EAPP: variants seen among roughly 807,000 people sequenced by gnomAD.
EAPP encodes the protein E2F associated phosphoprotein, also known as E2F-associated phosphoprotein.
Under a neutral mutation model 34.3 loss-of-function variants are expected in EAPP, and 38 were observed. The observed-to-expected ratio is 1.11, with a 90% CI of 0.85 to 1.45. The LOEUF (loss-of-function observed/expected upper bound fraction) is 1.45. Ranked by LOEUF, EAPP falls within the 40% of genes most tolerant of loss-of-function variation. The probability of loss-of-function intolerance (pLI) is 0.00; values close to 1 mark genes in which losing one functional copy is unlikely to be tolerated. For synonymous variants in EAPP, 113 were observed against 117.6 expected, an observed-to-expected ratio of 0.96 and a Z score of 0.25; for missense variants, 338 against 343.7, an observed-to-expected ratio of 0.98 and a Z score of 0.13.
At chr14:34,534,086 T>G (rs1438531177) in intron 2 of EAPP, among the ~76,000 whole-genome samples, 1 of 152,078 alleles carries the variant, frequency 6.6e-6, no homozygotes, top group East Asian at 1.9e-4. Flanking sequence ...TTTTTCCAGC[T>G]AATACATAGC....
At chr14:34,520,249 A>T (rs1423833493) in intron 5 of EAPP, among the ~76,000 whole-genome samples, 2 of 145,276 alleles carry the variant, frequency 1.4e-5, no homozygotes, top group Admixed American at 1.4e-4. Flanking sequence ...TCACTCTGTC[A>T]CTCAGGCTGG....
rs759579369 is a variant in EAPP at position 34,533,449 on chromosome 14, C to T, written c.347G>A (p.Arg116Lys). The T allele has an allele frequency of 1.5e-5, 24 of 1,611,244 alleles. No individual in the cohort carries two copies. The highest frequency in any genetic ancestry group is 2.0e-5 in the Non-Finnish European group (23 of 1,178,188). ...CTGGTAAATAGGTTACTTACCTGCT[C>T]TGTCTTCATCCTCGGAATCAGAATC... ...YFDSDSEDED[R>K]AVQVTKKKKK... Residue 116 changes from arginine to lysine, a missense_variant, in exon 3 of 6, where the codon AGA becomes AAA. Physicochemically the swap from Arg to Lys is conservative, Grantham distance 26 (BLOSUM62 2). Transcript: ENST00000250454.
Position 34,536,147 on chromosome 14 carries a change from T to C in EAPP, c.203A>G (p.Glu68Gly). Reference protein sequence around the residue: ...EDEFEKEMEAELNSTMKTMED... With the variant: ...EDEFEKEMEAGLNSTMKTMED... ...CATTGTTTTCATGGTAGAATTTAATTCAGCTTCCATCTCCTTTTCAAATTC... is the reference window on the plus strand; with the variant it reads ...CATTGTTTTCATGGTAGAATTTAATCCAGCTTCCATCTCCTTTTCAAATTC... The change falls in exon 2 of 6, where the codon GAA becomes GGA. Residue 68 changes from glutamate (E) to glycine (G), a missense_variant. Physicochemically the swap from Glu to Gly is moderately conservative, Grantham distance 98 (BLOSUM62 -2). Coordinates refer to ENST00000250454, the MANE Select transcript of EAPP (RefSeq NM_018453.4). The C allele has an allele frequency of 6.2e-7, 1 of 1,612,952 alleles. No homozygotes were observed. Among genetic ancestry groups the C allele is most frequent in the Non-Finnish European group, 8.5e-7 (1 of 1,179,674 alleles).
intron 5 of EAPP, among the ~76,000 whole-genome samples, chr14:34,516,857 C>T (rs1198521570): frequency 6.6e-6 from 1 of 152,132 alleles, no homozygotes; most frequent in Admixed American, 6.6e-5. Flanking sequence ...GCACAAGCCA[C>T]TGCACCAGGC....
chr14:34,529,604 G>C (rs1299832225), intron 3 of EAPP, 129 bp from the exon 4 acceptor site: 4 of 709,456 alleles, frequency 5.6e-6, no homozygotes, highest in Non-Finnish European at 6.8e-6. Context: ...AAAGGGACGG[G>C]CGCAGTGGCT....
intron 5 of EAPP, among the ~76,000 whole-genome samples, chr14:34,522,563 GAT>G (rs1170918345): frequency 3.3e-5 from 5 of 152,070 alleles, no homozygotes; most frequent in African/African-American, 9.7e-5. Context: ...TTGGTTATTA[GAT>G]ATGTTTGCCT....
rs1566448639 is a variant in EAPP at position 34,529,447 on chromosome 14, TTTC to T, written c.378_380del (p.Lys127del). 10 of 1,612,514 alleles carry T rather than the reference TTTC, an allele frequency of 6.2e-6. No homozygotes were observed. Among genetic ancestry groups the T allele is most frequent in the East Asian group, 2.2e-5 (1 of 44,856 alleles). On this transcript the variant is annotated inframe_deletion, in exon 4 of 6. Transcript: ENST00000250454. ...CGTCATTTGTTGGAATCTTGTGTTG[TTTC>T]TTCTTTTTTTTCTTGGTCACCTGTA...
chr14:34,524,587 G>C, intron 5 of EAPP, 110 bp downstream of exon 5: 1 of 813,694 alleles, frequency 1.2e-6, no homozygotes, highest in Non-Finnish European at 2.0e-6. Context: ...CTGCACTCCA[G>C]CCTGGGCAAC....
In EAPP at chr14:34,524,827, T is replaced by C. The variant is rs527718120; in HGVS notation, c.471-20A>G. 1.3e-6 allele frequency: 2 copies of C among 1,588,004 alleles called. No individual in the cohort carries two copies. The highest frequency in any genetic ancestry group is 1.7e-6 in the Non-Finnish European group (2 of 1,157,282). On this transcript the variant is annotated intron_variant, in intron 4 of 5. Coordinates refer to ENST00000250454, the MANE Select transcript of EAPP (RefSeq NM_018453.4). ...TGGTAACTAGAACAGAAGAAGAAAG[T>C]GGGGAGAAAAACATATTAAAACCAG...
At position 34,516,464 on chromosome 14, in the gene EAPP, AT is replaced by A; in HGVS notation, c.703del (p.Met235Ter). ...NRKKRRVHKKMRSNREDAAEK... is the reference protein window; with the variant it reads ...NRKKRRVHKKXRSNREDAAEK... Reference sequence around the variant, plus strand: ...GGCAGCATCTTCCCGGTTAGACCTCATCTTCTTATGGACCCGCCTTTTCTTC... The same window carrying A: ...GGCAGCATCTTCCCGGTTAGACCTCACTTCTTATGGACCCGCCTTTTCTTC... On this transcript the variant is annotated frameshift_variant, in exon 6 of 6. Coordinates refer to ENST00000250454, the MANE Select transcript of EAPP (RefSeq NM_018453.4). LOFTEE classifies it high-confidence loss of function. 6.2e-7 allele frequency: 1 copy of A among 1,614,150 alleles called. No homozygotes were observed. The highest frequency in any genetic ancestry group is 1.1e-5 in the South Asian group (1 of 91,084).
At chr14:34,531,125 C>T (rs573057566) in intron 3 of EAPP, among the ~76,000 whole-genome samples, 6 of 151,300 alleles carry the variant, frequency 4.0e-5, no homozygotes, top group South Asian at 2.1e-4. Flanking sequence ...ACCAACATGG[C>T]GAAATCCTGT....
rs1013870649 is a variant in EAPP, at chr14:34,529,461, T to C, written c.367A>G (p.Lys123Glu). 1.2e-6 allele frequency: 2 copies of C among 1,610,854 alleles called. No homozygotes were observed. Among genetic ancestry groups the C allele is most frequent in the Non-Finnish European group, 1.7e-6 (2 of 1,178,818 alleles). The change falls in exon 4 of 6, where the codon AAA (lysine) becomes GAA (glutamate). Residue 123 changes from lysine (K) to glutamate (E), a missense_variant. Coordinates refer to ENST00000250454, the MANE Select transcript of EAPP (RefSeq NM_018453.4). ...DEDRAVQVTK[K>E]KKKKQHKIPT... ...ATCTTGTGTTGTTTCTTCTTTTTTT[T>C]CTTGGTCACCTGTACTAATTTTGAA...
chr14:34,522,929 A>C (rs1879966493), intron 5 of EAPP, among the ~76,000 whole-genome samples: 1 of 152,158 alleles, frequency 6.6e-6, no homozygotes, highest in Admixed American at 6.6e-5. Context: ...CAAAAAGGTA[A>C]AGAAGCTGGT....
At chr14:34,523,703 ATTTTTTAT>A (rs1457187470) in intron 5 of EAPP, among the ~76,000 whole-genome samples, 2 of 151,654 alleles carry the variant, frequency 1.3e-5, no homozygotes, top group South Asian at 2.1e-4. Flanking sequence ...TACTCAGCTA[ATTTTTTAT>A]TTTTTTATTT....
intron 2 of EAPP, 119 bp from the exon 3 acceptor site, chr14:34,533,658 T>C: frequency 1.6e-6 from 1 of 622,354 alleles, no homozygotes; most frequent in South Asian, 2.2e-5. Context: ...ACTCATTTGA[T>C]GGTGAAATAT....
At position 34,518,325 on chromosome 14, in the gene EAPP, ATTTTTTTTTT is replaced by A. The variant is rs71404852; in HGVS notation, c.582-1749_582-1740del. 1.8e-4 allele frequency among the ~76,000 whole-genome samples: 13 copies of A among 74,084 alleles called. 1 individual carries two copies. 48.6% of individuals were successfully genotyped at this position (74,084 alleles called of 152,430 possible). Reference sequence around the variant, plus strand: ...TACTGTATTGTATCTCTCCCTTTAGATTTTTTTTTTTTTTTTTTTTTTTTTTTGAGATGGA... The same window carrying A: ...TACTGTATTGTATCTCTCCCTTTAGATTTTTTTTTTTTTTTTTGAGATGGA... On this transcript the variant is annotated intron_variant, in intron 5 of 5. Transcript: ENST00000250454.
chr14:34,539,237 T>A, intron 1 of EAPP: 1 of 542,880 alleles, frequency 1.8e-6, no homozygotes, highest in Non-Finnish European at 3.4e-6. Flanking sequence ...AGGTGAGTAA[T>A]CGAGGATAAC....
At chr14:34,530,620 T>C (rs1287091881) in intron 3 of EAPP, among the ~76,000 whole-genome samples, 1 of 151,942 alleles carries the variant, frequency 6.6e-6, no homozygotes, top group African/African-American at 2.4e-5. Context: ...AAATTGTTTA[T>C]TTACCCAAAA....
intron 3 of EAPP, among the ~76,000 whole-genome samples, chr14:34,531,204 C>T (rs548165144): frequency 1.3e-5 from 2 of 152,106 alleles, no homozygotes; most frequent in African/African-American, 4.8e-5. Context: ...ACCAGGAAGG[C>T]TGAGGCACCA....
Sources: gnomAD v4.1 joint callset for allele counts (sites outside exome capture counted in the v4.1 genomes callset) on GRCh38, gnomAD v4.1.1 for gene constraint, MANE v1.5 for transcripts, NCBI Gene and HGNC (gene_info 2026-07-23, HGNC 2026-07-21) for gene names.